XYLT1: variants seen among roughly 807,000 people sequenced by gnomAD.
XYLT1 encodes xylosyltransferase 1, also known as beta-D-xylosyltransferase 1.
XYLT1 carries 36 observed loss-of-function variants against 91.3 expected under a neutral mutation model. The observed-to-expected ratio is 0.39, with a 90% confidence interval of 0.30 to 0.52. The LOEUF is 0.52. Among genes scored for constraint, XYLT1 ranks in the 20% least tolerant of loss-of-function variants. The probability of loss-of-function intolerance (pLI) is 0.68; values close to 1 mark genes in which losing one functional copy is unlikely to be tolerated. For missense variants in XYLT1, 1,242 were observed against 1,284.5 expected, an observed-to-expected ratio of 0.97 and a Z score of 0.51; for synonymous variants, 588 against 532.0, an observed-to-expected ratio of 1.11 and a Z score of -1.45.
chr16:17,294,144 GTC>G (rs1005756482), intron 2 of XYLT1, among the ~76,000 whole-genome samples: 3 of 152,142 alleles, frequency 2.0e-5, no homozygotes, highest in African/African-American at 7.2e-5. Flanking sequence ...CTCTGAAGGG[GTC>G]CCCTGCTCAG....
rs180729878 is a variant in XYLT1, at chr16:17,124,725, C to T, written c.2223+2941G>A. Among the ~76,000 whole-genome samples the T allele has an allele frequency of 2.6e-3, 391 of 152,312 alleles. 4 individuals carry two copies. Among genetic ancestry groups the T allele is most frequent in the African/African-American group, 8.7e-3 (363 of 41,568 alleles). On this transcript the variant is annotated intron_variant, in intron 10 of 11. Coordinates refer to ENST00000261381, the MANE Select transcript of XYLT1 (RefSeq NM_022166.4). ...TTAGATTTCTCTTCTTCCTCAGGAA[C>T]GCCAATTATTCTTAAGTTTGGTTGT...
intron 3 of XYLT1, among the ~76,000 whole-genome samples, chr16:17,209,849 T>G (rs1020833709): frequency 2.0e-5 from 3 of 152,238 alleles, no homozygotes; most frequent in Non-Finnish European, 4.4e-5. Context: ...GGAGAGTGTT[T>G]AACAGGGACC....
intron 1 of XYLT1, among the ~76,000 whole-genome samples, chr16:17,417,337 T>C (rs1474915691): frequency 2.0e-5 from 3 of 152,174 alleles, no homozygotes; most frequent in Non-Finnish European, 4.4e-5. Context: ...TAACCCTTAG[T>C]TTCCATCACA....
rs1388039038 is a variant in XYLT1 at position 17,127,680 on chromosome 16, G to A, written c.2209C>T (p.Leu737Phe). The stretch of plus-strand genomic sequence containing the variant: ...TGGCCTCTTACCTCGGAAAACTGAA[G>A]CCTCCCAAAGTCACTGGGTGGGCTT... ...IASPPSDFGR[L>F]QFSEVGTDWD... The change falls in exon 10 of 12, where the codon CTT becomes TTT. Residue 737 changes from leucine (L) to phenylalanine (F), a missense_variant. Leu to Phe is a conservative substitution (Grantham distance 22, BLOSUM62 0). Coordinates refer to ENST00000261381, the MANE Select transcript of XYLT1 (RefSeq NM_022166.4). 3.1e-6 allele frequency: 5 copies of A among 1,613,032 alleles called. No individual in the cohort carries two copies. In the African/African-American group the frequency reaches 5.3e-5, roughly 17 times the overall value.
chr16:17,381,828 A>T (rs1003427160), intron 1 of XYLT1, among the ~76,000 whole-genome samples: 4 of 152,180 alleles, frequency 2.6e-5, no homozygotes, highest in Non-Finnish European at 4.4e-5. Flanking sequence ...CCAAGGAAAC[A>T]TTACAGAAGG....
At chr16:17,162,304 G>A (rs1296819406) in intron 5 of XYLT1, among the ~76,000 whole-genome samples, 1 of 151,808 alleles carries the variant, frequency 6.6e-6, no homozygotes. Flanking sequence ...CAGCTACTCA[G>A]GAGGCTGAGG....
chr16:17,390,148 A>T (rs749589951), intron 1 of XYLT1, among the ~76,000 whole-genome samples: 3 of 152,202 alleles, frequency 2.0e-5, no homozygotes, highest in Non-Finnish European at 4.4e-5. Flanking sequence ...TAATCCGAAC[A>T]TCATTTCCAT....
intron 3 of XYLT1, among the ~76,000 whole-genome samples, chr16:17,218,820 A>C (rs2032908440): frequency 6.6e-6 from 1 of 152,136 alleles, no homozygotes; most frequent in Non-Finnish European, 1.5e-5. Context: ...TCACTGTAAA[A>C]ACTTTGAAAT....
chr16:17,172,518 C>T (rs1219439948), intron 5 of XYLT1, among the ~76,000 whole-genome samples: 2 of 130,830 alleles, frequency 1.5e-5, no homozygotes, highest in African/African-American at 5.7e-5. Context: ...GTTGCCCAGG[C>T]TGGAGTGCAG....
intron 2 of XYLT1, among the ~76,000 whole-genome samples, chr16:17,309,703 C>T (rs2034516138): frequency 6.6e-6 from 1 of 152,222 alleles, no homozygotes; most frequent in African/African-American, 2.4e-5. Flanking sequence ...CATTCCTCTG[C>T]CTTCAAAGGG....
intron 2 of XYLT1, among the ~76,000 whole-genome samples, chr16:17,330,368 T>C (rs1440220012): frequency 6.6e-6 from 1 of 152,336 alleles, no homozygotes; most frequent in East Asian, 1.9e-4. Context: ...GATGAAATTC[T>C]GCTGGCTGTT....
chr16:17,197,644 C>A (rs965310656), intron 5 of XYLT1, among the ~76,000 whole-genome samples: 8 of 152,142 alleles, frequency 5.3e-5, no homozygotes, highest in Admixed American at 3.9e-4. Context: ...GCAGGCAGAA[C>A]GTGGAAGGAA....
chr16:17,396,224 A>G (rs2035884084), intron 1 of XYLT1, among the ~76,000 whole-genome samples: 1 of 152,220 alleles, frequency 6.6e-6, no homozygotes, highest in Non-Finnish European at 1.5e-5. Flanking sequence ...ACTCCTGGGC[A>G]CAACCTTACA....
intron 3 of XYLT1, among the ~76,000 whole-genome samples, chr16:17,201,844 A>G (rs927921454): frequency 3.9e-5 from 6 of 152,130 alleles, no homozygotes; most frequent in Admixed American, 1.3e-4. Context: ...ACACGGAGAG[A>G]GGTTGCCTGA....
chr16:17,441,208 G>A (rs1330143327), intron 1 of XYLT1, among the ~76,000 whole-genome samples: 1 of 151,718 alleles, frequency 6.6e-6, no homozygotes, highest in Non-Finnish European at 1.5e-5. Context: ...TCGAGTAGCT[G>A]GGACGACAGG....
chr16:17,187,393 CAAAAAA>C (rs71137979), intron 5 of XYLT1, among the ~76,000 whole-genome samples: 7 of 55,306 alleles, frequency 1.3e-4, no homozygotes, highest in African/African-American at 3.0e-4. Flanking sequence ...GACTCAGTTT[CAAAAAA>C]AAAAAAAAAA....
chr16:17,234,700 A>AAATAAATC (rs2033220315), intron 3 of XYLT1, among the ~76,000 whole-genome samples: 8 of 151,562 alleles, frequency 5.3e-5, no homozygotes, highest in African/African-American at 1.9e-4. Context: ...GTGATAAAAT[A>AAATAAATC]AATAAATAAA....
chr16:17,255,640 C>A (rs144605289), intron 3 of XYLT1, among the ~76,000 whole-genome samples: 1 of 152,190 alleles, frequency 6.6e-6, no homozygotes, highest in Non-Finnish European at 1.5e-5. Flanking sequence ...AGACAGGAAC[C>A]ACCTCGACCA....
intron 1 of XYLT1, among the ~76,000 whole-genome samples, chr16:17,415,043 G>A (rs1007167021): frequency 2.0e-5 from 3 of 152,088 alleles, no homozygotes; most frequent in African/African-American, 7.2e-5. Flanking sequence ...ACAGCCTGGG[G>A]TATAAACACC....
Sources: allele counts gnomAD v4.1 joint callset (sites outside exome capture counted in the v4.1 genomes callset), GRCh38; gene constraint gnomAD v4.1.1; transcripts MANE v1.5; gene names NCBI Gene and HGNC (gene_info 2026-07-23, HGNC 2026-07-21).